RUNX1: variants seen among roughly 807,000 people sequenced by gnomAD.
RUNX1 encodes the protein runt-related transcription factor 1.
RUNX1 carries 19 observed loss-of-function variants against 42.8 expected under a neutral mutation model. That is an observed-to-expected ratio of 0.44 (90% CI 0.31 to 0.65). The LOEUF is 0.65. Among genes scored for constraint, RUNX1 ranks in the 30% least tolerant of loss-of-function variants. RUNX1 has a pLI of 0.07. For synonymous variants in RUNX1, 271 were observed against 289.4 expected, an observed-to-expected ratio of 0.94 and a Z score of 0.64; for missense variants, 528 against 672.0, an observed-to-expected ratio of 0.79 and a Z score of 2.37.
At chr21:34,849,281 T>A (rs2057362831) in intron 6 of RUNX1, among the ~76,000 whole-genome samples, 1 of 64,670 alleles carries the variant, frequency 1.5e-5, no homozygotes, top group African/African-American at 5.9e-5. Context: ...ATATATATAA[T>A]ATATATTATA....
chr21:35,023,601 T>G (rs1476034419), intron 2 of RUNX1, among the ~76,000 whole-genome samples: 1 of 152,208 alleles, frequency 6.6e-6, no homozygotes, highest in Non-Finnish European at 1.5e-5. Context: ...AGGGCTTCCC[T>G]GCACTTTGGT....
At chr21:34,898,705 T>C (rs1304074110) in intron 2 of RUNX1, among the ~76,000 whole-genome samples, 2 of 152,308 alleles carry the variant, frequency 1.3e-5, no homozygotes, top group East Asian at 3.9e-4. Context: ...AGCGAGGCTG[T>C]GTTTTACTCA....
intron 2 of RUNX1, among the ~76,000 whole-genome samples, chr21:34,944,562 C>T (rs116282826): frequency 1.6e-4 from 24 of 152,268 alleles, no homozygotes; most frequent in African/African-American, 5.3e-4. Flanking sequence ...GTGAGTGCTT[C>T]CTCTAGCACA....
chr21:34,988,974 T>C (rs914451238), intron 2 of RUNX1, among the ~76,000 whole-genome samples: 5 of 151,428 alleles, frequency 3.3e-5, no homozygotes, highest in Admixed American at 6.6e-5. Flanking sequence ...ATCCAGAACA[T>C]GTGCCTTTGG....
chr21:34,996,538 C>T (rs1050677398), intron 2 of RUNX1, among the ~76,000 whole-genome samples: 4 of 151,822 alleles, frequency 2.6e-5, no homozygotes, highest in African/African-American at 4.8e-5. Context: ...GTGGAGAGGA[C>T]GAAGACCAGG....
chr21:35,028,316 C>G (rs1230096718), intron 2 of RUNX1, among the ~76,000 whole-genome samples: 2 of 152,188 alleles, frequency 1.3e-5, no homozygotes, highest in Non-Finnish European at 2.9e-5. Context: ...TATGTACTGC[C>G]AAGTTTAGGA....
intron 6 of RUNX1, among the ~76,000 whole-genome samples, chr21:34,838,776 T>G (rs542661138): frequency 3.3e-5 from 5 of 152,306 alleles, no homozygotes; most frequent in African/African-American, 1.2e-4. Flanking sequence ...GTGACAGTAC[T>G]GAATGTGACT....
intron 2 of RUNX1, among the ~76,000 whole-genome samples, chr21:34,992,539 T>C (rs59680634): frequency 0.26 from 38,797 of 151,822 alleles, 6,089 homozygotes; most frequent in Non-Finnish European, 0.34. Context: ...GGAATTAACA[T>C]CCTAGGGGTG....
intron 2 of RUNX1, among the ~76,000 whole-genome samples, chr21:35,047,547 A>ACTCTCTCTCTCC: frequency 8.1e-6 from 1 of 123,236 alleles, no homozygotes. Flanking sequence ...ACACACACAC[A>ACTCTCTCTCTCC]CACACACACA....
At chr21:34,847,419 T>G (rs2186290) in intron 6 of RUNX1, among the ~76,000 whole-genome samples, 49,476 of 152,036 alleles carry the variant, frequency 0.33, 8,336 homozygotes, top group East Asian at 0.49. Context: ...CTACTTTCAA[T>G]AAATCAATTA....
intron 2 of RUNX1, among the ~76,000 whole-genome samples, chr21:34,964,090 G>A (rs541271212): frequency 6.6e-6 from 1 of 152,280 alleles, no homozygotes; most frequent in Non-Finnish European, 1.5e-5. Flanking sequence ...AGCCCAGTTG[G>A]GGGATACGTG....
At chr21:34,875,605 G>A (rs967916722) in intron 5 of RUNX1, among the ~76,000 whole-genome samples, 5 of 152,038 alleles carry the variant, frequency 3.3e-5, no homozygotes, top group Admixed American at 2.0e-4. Context: ...AACATTACCC[G>A]TGAAACAACT....
rs1569108333 is a variant in RUNX1, at chr21:34,926,539, ACACAAATT to A, written c.59-33584_59-33577del. 4.0e-4 allele frequency among the ~76,000 whole-genome samples: 23 copies of A among 58,096 alleles called. 7 individuals are homozygous for A. The highest frequency in any genetic ancestry group is 1.7e-3 in the South Asian group (2 of 1,184). 38.1% of individuals were successfully genotyped at this position (58,096 alleles called of 152,430 possible). On this transcript the variant is annotated intron_variant, in intron 2 of 8. Transcript: ENST00000675419. ...CTGTCAGCATTTTGATCTACAACAA[ACACAAATT>A]GTGTTTTTCTACAGCACATATTTAT...
At chr21:34,877,220 T>A (rs1384050806) in intron 5 of RUNX1, among the ~76,000 whole-genome samples, 1 of 152,196 alleles carries the variant, frequency 6.6e-6, no homozygotes, top group Non-Finnish European at 1.5e-5. Flanking sequence ...TTCTTGTCAT[T>A]CTAAAGGTGG....
At chr21:34,834,971 G>T (rs922471895) in intron 6 of RUNX1, among the ~76,000 whole-genome samples, 9 of 152,156 alleles carry the variant, frequency 5.9e-5, no homozygotes, top group Non-Finnish European at 1.0e-4. Context: ...ACATGCCAGG[G>T]GCTATGCTGT....
intron 3 of RUNX1, among the ~76,000 whole-genome samples, chr21:34,891,364 G>A (rs974738273): frequency 6.6e-6 from 1 of 152,176 alleles, no homozygotes; most frequent in Non-Finnish European, 1.5e-5. Flanking sequence ...TCCCCGGAGC[G>A]GCGCAGGCTG....
chr21:34,980,400 T>C (rs2058838560), intron 2 of RUNX1, among the ~76,000 whole-genome samples: 2 of 152,252 alleles, frequency 1.3e-5, no homozygotes, highest in African/African-American at 2.4e-5. Context: ...TGGGGTATTC[T>C]GCCTGTGAAG....
intron 6 of RUNX1, among the ~76,000 whole-genome samples, chr21:34,855,382 G>C (rs1277660720): frequency 6.6e-6 from 1 of 152,034 alleles, no homozygotes; most frequent in Admixed American, 6.5e-5. Context: ...TTTTTCATTA[G>C]ATCCTAGAAA....
intron 5 of RUNX1, among the ~76,000 whole-genome samples, chr21:34,865,281 T>TGC (rs932402473): frequency 4.0e-4 from 17 of 42,212 alleles, no homozygotes; most frequent in South Asian, 1.1e-3. Flanking sequence ...GTTTTGTGCG[T>TGC]GTGTGTGTGT....
Sources: allele counts gnomAD v4.1 joint callset (sites outside exome capture counted in the v4.1 genomes callset), GRCh38; gene constraint gnomAD v4.1.1; transcripts MANE v1.5; gene names NCBI Gene and HGNC (gene_info 2026-07-23, HGNC 2026-07-21).